Variants in SGCD observed in about 807,000 individuals in gnomAD.
The protein encoded by SGCD is delta-sarcoglycan.
A neutral mutation model predicts 36.6 loss-of-function variants in SGCD; 18 were observed. The observed-to-expected ratio is 0.49, with a 90% CI of 0.34 to 0.73. SGCD has a LOEUF of 0.73. Ranked by LOEUF, SGCD falls within the 30% of genes least tolerant of loss-of-function variation. The pLI is 0.01. For synonymous variants in SGCD, 133 were observed against 130.6 expected (o/e 1.02, Z -0.12); for missense variants, 387 against 346.7 (o/e 1.12, Z -0.92).
At chr5:156,033,606 C>A (rs1759411189) in intron 1 of SGCD, among the ~76,000 whole-genome samples, 2 of 152,186 alleles carry the variant, frequency 1.3e-5, no homozygotes, top group Admixed American at 6.5e-5. Context: ...TAATAAAAGT[C>A]ATCCAGTTAA....
intron 3 of SGCD, among the ~76,000 whole-genome samples, chr5:156,202,540 G>T (rs953250782): frequency 1.3e-5 from 2 of 152,066 alleles, no homozygotes; most frequent in Non-Finnish European, 2.9e-5. Flanking sequence ...AGGCCATAGA[G>T]AAGCATTCAT....
At chr5:156,236,197 T>C (rs901425237) in intron 3 of SGCD, among the ~76,000 whole-genome samples, 1 of 152,158 alleles carries the variant, frequency 6.6e-6, no homozygotes, top group African/African-American at 2.4e-5. Context: ...CATTTTTTTT[T>C]CTCAGATGTT....
intron 1 of SGCD, among the ~76,000 whole-genome samples, chr5:155,931,170 A>G (rs1378559939): frequency 1.3e-5 from 2 of 151,982 alleles, no homozygotes; most frequent in Non-Finnish European, 2.9e-5. Context: ...AAAGAAAAGA[A>G]AAGCTCTTCT....
intron 1 of SGCD, among the ~76,000 whole-genome samples, chr5:155,950,611 G>C (rs1161931398): frequency 6.6e-6 from 1 of 152,176 alleles, no homozygotes; most frequent in Non-Finnish European, 1.5e-5. Context: ...AGGCATGTGA[G>C]AATTGTTGCT....
intron 3 of SGCD, among the ~76,000 whole-genome samples, chr5:156,427,096 T>A (rs776695555): frequency 3.3e-5 from 5 of 152,180 alleles, no homozygotes; most frequent in Non-Finnish European, 5.9e-5. Flanking sequence ...GATGATATTT[T>A]GATGGAAATT....
intron 1 of SGCD, among the ~76,000 whole-genome samples, chr5:156,070,790 T>A (rs1338535342): frequency 6.6e-6 from 1 of 152,288 alleles, no homozygotes; most frequent in Admixed American, 6.5e-5. Context: ...AAGCTATTGA[T>A]TATTGCCACA....
intron 4 of SGCD, among the ~76,000 whole-genome samples, chr5:156,555,432 A>G (rs994431745): frequency 6.6e-6 from 1 of 152,118 alleles, no homozygotes; most frequent in Non-Finnish European, 1.5e-5. Flanking sequence ...TTATTCTTTT[A>G]CATATAGCTA....
At chr5:156,071,134 G>A (rs995012342) in intron 1 of SGCD, among the ~76,000 whole-genome samples, 10 of 152,074 alleles carry the variant, frequency 6.6e-5, no homozygotes, top group Non-Finnish European at 1.5e-4. Flanking sequence ...ATTTCCTTCA[G>A]TTCTGCTCTG....
intron 3 of SGCD, among the ~76,000 whole-genome samples, chr5:156,248,818 G>A (rs770282914): frequency 1.4e-4 from 22 of 152,298 alleles, no homozygotes; most frequent in Non-Finnish European, 2.2e-4. Context: ...CAATTGAGAA[G>A]GAAAGAAGCC....
chr5:155,845,867 C>T, the SGCD span, among the ~76,000 whole-genome samples: 1 of 152,210 alleles, frequency 6.6e-6, no homozygotes, highest in Non-Finnish European at 1.5e-5. Context: ...ATTATGCTGT[C>T]TCTCTGGGGC....
the SGCD span, among the ~76,000 whole-genome samples, chr5:155,738,404 G>C: frequency 6.6e-6 from 1 of 152,120 alleles, no homozygotes; most frequent in Non-Finnish European, 1.5e-5. Flanking sequence ...TGGACAAAAA[G>C]CATGTTTTTC....
At chr5:156,709,504 G>T (rs1361465204) in intron 7 of SGCD, among the ~76,000 whole-genome samples, 1 of 152,026 alleles carries the variant, frequency 6.6e-6, no homozygotes, top group Non-Finnish European at 1.5e-5. Flanking sequence ...AGAAAATCAG[G>T]AAAAAAGGGT....
chr5:156,473,427 G>T (rs778835366), intron 3 of SGCD, among the ~76,000 whole-genome samples: 3 of 152,230 alleles, frequency 2.0e-5, no homozygotes, highest in Non-Finnish European at 2.9e-5. Flanking sequence ...ATGCAGGATA[G>T]AGAGGGACAT....
chr5:155,949,222 C>T (rs1561660113), intron 1 of SGCD, among the ~76,000 whole-genome samples: 2 of 152,150 alleles, frequency 1.3e-5, no homozygotes, highest in African/African-American at 2.4e-5. Flanking sequence ...CAACAGATGC[C>T]TTTGTAAACT....
chr5:155,986,748 T>C (rs1758339733), intron 1 of SGCD, among the ~76,000 whole-genome samples: 1 of 152,186 alleles, frequency 6.6e-6, no homozygotes, highest in Non-Finnish European at 1.5e-5. Flanking sequence ...CTCCCACACC[T>C]GTTTCTTCAG....
chr5:156,737,560 A>G (rs1207281091), intron 7 of SGCD, among the ~76,000 whole-genome samples: 1 of 152,168 alleles, frequency 6.6e-6, no homozygotes, highest in Non-Finnish European at 1.5e-5. Context: ...TCCTAGAGCT[A>G]TGTGGATCAC....
intron 1 of SGCD, among the ~76,000 whole-genome samples, chr5:156,014,903 A>G (rs761370483): frequency 2.0e-5 from 3 of 152,160 alleles, no homozygotes; most frequent in Non-Finnish European, 4.4e-5. Flanking sequence ...CAGGTTATGC[A>G]TTTCCAGTCA....
chr5:155,853,827 T>C, the SGCD span, among the ~76,000 whole-genome samples: 1 of 152,196 alleles, frequency 6.6e-6, no homozygotes, highest in Non-Finnish European at 1.5e-5. Context: ...TTCTCTGTCA[T>C]TATTTCAGCT....
rs959004707 is a variant in SGCD at position 156,761,243 on chromosome 5, T to C, written c.*1853T>C. 1 of 152,118 alleles carries C rather than the reference T, an allele frequency of 6.6e-6. No individual in the cohort carries two copies. Among genetic ancestry groups the C allele is most frequent in the African/African-American group, 2.4e-5 (1 of 41,398 alleles). 9.4% of individuals were successfully genotyped at this position (152,118 alleles called of 1,614,324 possible). On this transcript the variant is annotated 3_prime_UTR_variant, in exon 9 of 9. Transcript: ENST00000337851. ...TGTTGCTTAGTCACTTACTTAGAAG[T>C]AGATGGTGGGGGACAGCGGCGTGGG... is the stretch of plus-strand genomic sequence containing the variant.
Sources: allele counts gnomAD v4.1 joint callset (sites outside exome capture counted in the v4.1 genomes callset), GRCh38; gene constraint gnomAD v4.1.1; transcripts MANE v1.5; gene names NCBI Gene and HGNC (gene_info 2026-07-23, HGNC 2026-07-21).